Variants in WWC1 observed in about 807,000 individuals in gnomAD.
The protein encoded by WWC1 is WW and C2 domain containing 1, also known as protein KIBRA.
WWC1 carries 55 observed loss-of-function variants against 138.4 expected under a neutral mutation model. The ratio of observed to expected loss-of-function variants is 0.40; its 90% confidence interval spans 0.32 to 0.50. WWC1 has a LOEUF of 0.50. Ranked by LOEUF, WWC1 falls within the 20% of genes least tolerant of loss-of-function variation. WWC1 has a pLI of 0.72. For synonymous variants in WWC1, 524 were observed against 564.9 expected, an observed-to-expected ratio of 0.93 and a Z score of 1.03; for missense variants, 1,226 against 1,420.4, an observed-to-expected ratio of 0.86 and a Z score of 2.20.
At chr5:168,304,549 A>G (rs1006770611) in intron 1 of WWC1, among the ~76,000 whole-genome samples, 3 of 152,180 alleles carry the variant, frequency 2.0e-5, no homozygotes, top group African/African-American at 7.2e-5. Context: ...AGACCAGTAT[A>G]TCAGCTTCAC....
Position 168,470,869 on chromosome 5 carries a change from T to C in WWC1, c.*1852T>C, listed in dbSNP as rs1364898994. 5 of 152,166 alleles carry C rather than the reference T, an allele frequency of 3.3e-5. No homozygotes were observed. Among genetic ancestry groups the C allele is most frequent in the Non-Finnish European group, 5.9e-5 (4 of 68,094 alleles). The allele number at this position is 152,166 out of a possible 1,614,324, so 9.4% of individuals were successfully genotyped here. A position where few individuals can be genotyped will look rare whatever the true frequency, so the allele number is the denominator to read the frequency against. On this transcript the variant is annotated 3_prime_UTR_variant, in exon 23 of 23. Coordinates refer to ENST00000265293, the MANE Select transcript of WWC1 (RefSeq NM_015238.3). ...ATAAAATGCAGACTGTCAGGTCCTC[T>C]CTAGACCCACTGAACTATCCCGCCC...
intron 17 of WWC1, among the ~76,000 whole-genome samples, chr5:168,447,162 G>A (rs539151359): frequency 8.5e-5 from 13 of 152,192 alleles, no homozygotes; most frequent in Non-Finnish European, 1.9e-4. Flanking sequence ...GGGGTATTTT[G>A]CAAAATTCAG....
chr5:168,424,099 C>T (rs1193262520), intron 11 of WWC1, 31 bp downstream of exon 11: 1 of 1,548,836 alleles, frequency 6.5e-7, no homozygotes, highest in African/African-American at 1.4e-5. Flanking sequence ...AGGGTGGGAA[C>T]CAGGAGGAGG....
intron 2 of WWC1, among the ~76,000 whole-genome samples, chr5:168,381,958 G>A (rs563056222): frequency 6.6e-6 from 1 of 151,936 alleles, no homozygotes; most frequent in African/African-American, 2.4e-5. Flanking sequence ...TATTAAAATT[G>A]TAAGTGTGTG....
At chr5:168,437,984 A>C (rs554456295) in intron 15 of WWC1, among the ~76,000 whole-genome samples, 4 of 152,332 alleles carry the variant, frequency 2.6e-5, no homozygotes, top group Non-Finnish European at 5.9e-5. Context: ...AATAAGTATT[A>C]GACAAATATT....
intron 3 of WWC1, among the ~76,000 whole-genome samples, chr5:168,388,980 G>T (rs1251943708): frequency 1.3e-5 from 2 of 152,168 alleles, no homozygotes; most frequent in Non-Finnish European, 2.9e-5. Flanking sequence ...AAGAACTGGG[G>T]TGGGAAGAGG....
rs574911624 is a variant in WWC1 at position 168,405,717 on chromosome 5, C to A, written c.591-481C>A. Among the ~76,000 whole-genome samples, 701 of 148,988 alleles carry A rather than the reference C, an allele frequency of 4.7e-3. 3 individuals are homozygous for A. The highest frequency in any genetic ancestry group is 8.4e-3 in the Non-Finnish European group (565 of 67,180). On this transcript the variant is annotated intron_variant, in intron 5 of 22. Transcript: ENST00000265293. Reference sequence around the variant, plus strand: ...ACTTTCTATGCCTTTTTTTTTTTTCCTTTTCTTTCTTTCTTTTTTTTTTTT... The same window carrying A: ...ACTTTCTATGCCTTTTTTTTTTTTCATTTTCTTTCTTTCTTTTTTTTTTTT...
intron 2 of WWC1, among the ~76,000 whole-genome samples, chr5:168,379,020 G>A (rs1582092653): frequency 1.3e-5 from 2 of 152,142 alleles, no homozygotes; most frequent in Admixed American, 6.6e-5. Context: ...TGTGGAGAAT[G>A]TGTATGGCGT....
At chr5:168,364,368 C>A (rs183276900) in intron 1 of WWC1, among the ~76,000 whole-genome samples, 1 of 152,096 alleles carries the variant, frequency 6.6e-6, no homozygotes, top group Admixed American at 6.5e-5. Context: ...GCCCATGGCC[C>A]GTTGGCCTTT....
intron 1 of WWC1, among the ~76,000 whole-genome samples, chr5:168,365,175 GA>G (rs1776188574): frequency 6.6e-6 from 1 of 152,200 alleles, no homozygotes; most frequent in Non-Finnish European, 1.5e-5. Flanking sequence ...GCATTATCAG[GA>G]ATTGTGCAAC....
intron 6 of WWC1, among the ~76,000 whole-genome samples, chr5:168,408,290 A>C (rs1226243740): frequency 6.6e-6 from 1 of 152,048 alleles, no homozygotes; most frequent in Non-Finnish European, 1.5e-5. Flanking sequence ...GTCGGCATCC[A>C]CACCGGTTTC....
chr5:168,365,197 G>A (rs1045013284), intron 1 of WWC1, among the ~76,000 whole-genome samples: 48 of 152,178 alleles, frequency 3.2e-4, no homozygotes, highest in Admixed American at 2.0e-3. Flanking sequence ...CTTAGCTATG[G>A]GAACTATGCG....
intron 7 of WWC1, 70 bp downstream of exon 7, chr5:168,408,723 G>A (rs1265856347): frequency 1.3e-6 from 2 of 1,584,934 alleles, no homozygotes; most frequent in African/African-American, 1.3e-5. Context: ...GTAATGGACA[G>A]CTGCCTTCTC....
intron 13 of WWC1, among the ~76,000 whole-genome samples, 187 bp from the exon 14 acceptor site, chr5:168,429,950 T>G (rs939811659): frequency 5.3e-5 from 8 of 151,988 alleles, no homozygotes; most frequent in African/African-American, 1.7e-4. Flanking sequence ...AAAAAAAAAT[T>G]TTCAAACAAT....
At chr5:168,327,986 C>G (rs979068559) in intron 1 of WWC1, among the ~76,000 whole-genome samples, 11 of 152,198 alleles carry the variant, frequency 7.2e-5, no homozygotes, top group Non-Finnish European at 1.3e-4. Flanking sequence ...AAATGTGCAA[C>G]CCATTGAAAC....
rs750622325 is a variant in WWC1 at position 168,385,199 on chromosome 5, G to A, written c.230-12G>A. On this transcript the variant is annotated splice_polypyrimidine_tract_variant and intron_variant, in intron 2 of 22. Coordinates refer to ENST00000265293, the MANE Select transcript of WWC1 (RefSeq NM_015238.3). ...TGAGATGCTGACCTAGAATCTCTGG[G>A]GTCTGTTCCAGAAACCACTCAGATT... 1.2e-6 allele frequency: 2 copies of A among 1,613,858 alleles called. No individual in the cohort carries two copies. Among genetic ancestry groups the A allele is most frequent in the East Asian group, 2.2e-5 (1 of 44,876 alleles).
At chr5:168,441,417 T>G (rs533259596) in intron 15 of WWC1, among the ~76,000 whole-genome samples, 6 of 152,196 alleles carry the variant, frequency 3.9e-5, no homozygotes, top group Non-Finnish European at 5.9e-5. Flanking sequence ...ACTAAAGGTT[T>G]TTTTATCACA....
intron 1 of WWC1, among the ~76,000 whole-genome samples, chr5:168,354,424 A>G (rs1290976490): frequency 6.6e-6 from 1 of 152,196 alleles, no homozygotes; most frequent in Non-Finnish European, 1.5e-5. Context: ...TCATTGTTGA[A>G]TCTTTTCTCA....
chr5:168,346,740 T>C (rs942273243), intron 1 of WWC1, among the ~76,000 whole-genome samples: 2 of 152,174 alleles, frequency 1.3e-5, no homozygotes, highest in African/African-American at 2.4e-5. Flanking sequence ...AGTGAGATTG[T>C]TCTGTAAGTT....
Sources: gnomAD v4.1 joint callset for allele counts (sites outside exome capture counted in the v4.1 genomes callset) on GRCh38, gnomAD v4.1.1 for gene constraint, MANE v1.5 for transcripts, NCBI Gene and HGNC (gene_info 2026-07-23, HGNC 2026-07-21) for gene names.